The following CDAN1 variants were observed in gnomAD, a reference collection of about 807,000 sequenced individuals.
The protein encoded by CDAN1 is codanin-1.
In CDAN1, 107 loss-of-function variants were observed where a neutral mutation model predicts 139.8. That is an observed-to-expected ratio of 0.77 (90% confidence interval 0.65 to 0.90). CDAN1 has a LOEUF of 0.90. CDAN1 is among the 40% of genes least tolerant of loss of function. The pLI, the probability that CDAN1 is intolerant of heterozygous loss-of-function variation, is 0.00. For missense variants in CDAN1, 1,667 were observed against 1,575.7 expected (o/e 1.06, Z -0.98); for synonymous variants, 776 against 660.6 (o/e 1.17, Z -2.68).
In CDAN1 at chr15:42,726,411, G is replaced by C; in HGVS notation, c.3103C>G (p.Leu1035Val). The change falls in exon 24 of 28, where the codon CTC becomes GTC. Residue 1035 changes from leucine to valine, a missense_variant. By Grantham distance (32) the Leu-to-Val change is conservative. Transcript: ENST00000356231. Reference protein sequence around the residue: ...SHLISEIKDVLSLAVGPRDPD... With the variant: ...SHLISEIKDVVSLAVGPRDPD... ...TCCCGTGGCCCCACGGCCAAGGAGA[G>C]CACGTCCTGTGAAGAGCAGGGGGAG... The C allele has an allele frequency of 6.3e-7, 1 of 1,591,952 alleles. No homozygotes were observed. The highest frequency in any genetic ancestry group is 8.6e-7 in the Non-Finnish European group (1 of 1,169,136).
chr15:42,735,840 G>T, intron 3 of CDAN1, 35 bp downstream of exon 3: 3 of 1,611,750 alleles, frequency 1.9e-6, no homozygotes, highest in Non-Finnish European at 2.5e-6. Flanking sequence ...CCCACAGCGA[G>T]GAAACCGATA....
Position 42,737,073 on chromosome 15 carries a change from T to G in CDAN1, c.30A>C (p.Arg10=). 2.0e-6 allele frequency: 3 copies of G among 1,503,660 alleles called. No homozygotes were observed. Among genetic ancestry groups the G allele is most frequent in the East Asian group, 2.7e-5 (1 of 36,606 alleles). The allele number at this position is 1,503,660 out of a possible 1,614,324, so 93.1% of individuals were successfully genotyped here. Residue 10 remains arginine, a synonymous_variant, in exon 1 of 28, where the codon CGA becomes CGC. Coordinates refer to ENST00000356231, the MANE Select transcript of CDAN1 (RefSeq NM_138477.4). The part of the protein sequence containing the change: MAAVLESLL[R]EEVSVAAVVR... ...CGACGGCTGCGACCGACACCTCTTC[T>G]CGCAGCAGCGACTCCAAAACGGCCG...
At chr15:42,732,779 G>A (rs886318954) in intron 9 of CDAN1, among the ~76,000 whole-genome samples, 6 of 151,314 alleles carry the variant, frequency 4.0e-5, no homozygotes, top group Non-Finnish European at 8.8e-5. Context: ...GGATGGAGAA[G>A]ATGGAGGCTG....
In CDAN1 at chr15:42,732,369, G is replaced by T. The variant is rs1301354150; in HGVS notation, c.1497C>A (p.Ser499Arg). ...MGQLSAACSHSHFVRLFQKQL... is the reference protein window; with the variant it reads ...MGQLSAACSHRHFVRLFQKQL... ...GTTTTTGGAAAAGCCGAACAAAGTG[G>T]CTGTGGCTGCAGGCTGCGGAGAGCT... The change falls in exon 10 of 28, where the codon AGC becomes AGA. Residue 499 changes from serine to arginine, a missense_variant. Coordinates refer to ENST00000356231, the MANE Select transcript of CDAN1 (RefSeq NM_138477.4). 6.2e-7 allele frequency: 1 copy of T among 1,614,154 alleles called. No individual in the cohort carries two copies. The highest frequency in any genetic ancestry group is 2.2e-5 in the East Asian group (1 of 44,890).
chr15:42,734,481 G>T (rs2095716931), intron 6 of CDAN1, 135 bp from the exon 7 acceptor site: 2 of 1,072,392 alleles, frequency 1.9e-6, no homozygotes, highest in Non-Finnish European at 2.8e-6. Context: ...AAGGTCATGG[G>T]CCAAGGATCA....
In CDAN1 at chr15:42,728,282, A is replaced by G. The variant is rs747164189; in HGVS notation, c.2805-15T>C. 22 of 1,613,588 alleles carry G rather than the reference A, an allele frequency of 1.4e-5. No individual in the cohort carries two copies. The highest frequency in any genetic ancestry group is 1.8e-5 in the Non-Finnish European group (21 of 1,179,694). ...TTTGACAGAACCTAAAAGGGGACAG[A>G]TGGGGTCAGTGATCTCTGGGTATTT... On this transcript the variant is annotated splice_polypyrimidine_tract_variant and intron_variant, in intron 20 of 27. Coordinates refer to ENST00000356231, the MANE Select transcript of CDAN1 (RefSeq NM_138477.4).
rs1272682455 is a variant in CDAN1, at chr15:42,724,265, T to C, written c.*226A>G. On this transcript the variant is annotated 3_prime_UTR_variant, in exon 28 of 28. Transcript: ENST00000356231. ...AACACCACCTCTTCTACTCCAGGAC[T>C]GGCATCTCTGGACTTTTCTGCCATA... The C allele has an allele frequency of 1.8e-6, 1 of 558,874 alleles. No homozygotes were observed. The highest frequency in any genetic ancestry group is 3.2e-6 in the Non-Finnish European group (1 of 309,542). 34.6% of individuals were successfully genotyped at this position (558,874 alleles called of 1,614,324 possible).
chr15:42,733,627 C>T (rs1406460002), intron 8 of CDAN1, among the ~76,000 whole-genome samples: 2 of 152,200 alleles, frequency 1.3e-5, no homozygotes, highest in African/African-American at 4.8e-5. Context: ...GACAGTAGTG[C>T]TACAGACCAG....
rs1178846012 is a variant in CDAN1, at chr15:42,734,283, G to C, written c.1200C>G (p.Cys400Trp). Residue 400 changes from cysteine to tryptophan, a missense_variant, in exon 7 of 28, where the codon TGC becomes TGG. By Grantham distance (215) the Cys-to-Trp change is radical (BLOSUM62 -2). Transcript: ENST00000356231. ...KLLAENERLL[C>W]FSPALQGRLR... ...GGCGGCCTTGCAGAGCTGGTGAGAA[G>C]CACAGCAGCCGCTCATTCTCAGCCA... 5 of 1,613,932 alleles carry C rather than the reference G, an allele frequency of 3.1e-6. No homozygotes were observed. The highest frequency in any genetic ancestry group is 4.2e-6 in the Non-Finnish European group (5 of 1,180,018).
chr15:42,730,252 A>C (rs748371125), intron 14 of CDAN1, 37 bp from the exon 15 acceptor site: 2 of 1,584,074 alleles, frequency 1.3e-6, no homozygotes, highest in South Asian at 1.1e-5. Flanking sequence ...GTTTGAGCAG[A>C]AAGGGGAAGG....
chr15:42,736,112 C>T, intron 2 of CDAN1, 34 bp from the exon 3 acceptor site: 1 of 1,610,360 alleles, frequency 6.2e-7, no homozygotes, highest in South Asian at 1.1e-5. Context: ...TTCTCAAATT[C>T]CTATCTTCAA....
intron 27 of CDAN1, 153 bp downstream of exon 27, chr15:42,724,991 T>C (rs2061503397): frequency 4.1e-6 from 3 of 726,658 alleles, no homozygotes; most frequent in East Asian, 2.7e-5. Context: ...GTCCCTCATA[T>C]AATAACTACT....
At chr15:42,725,703 T>C in intron 25 of CDAN1, 33 bp from the exon 26 acceptor site, 2 of 1,611,716 alleles carry the variant, frequency 1.2e-6, no homozygotes, top group Non-Finnish European at 1.7e-6. Flanking sequence ...CTTTAAAAGA[T>C]GGGGGCAGGC....
rs914676441 is a variant in CDAN1 at position 42,726,005 on chromosome 15, C to T, written c.3268+92G>A. ...AAAAAAAAAAAAAAAAAAAAAGGGACAGAAGAGGGCTCTGTTTCTAATCTT... is the reference window on the plus strand; with the variant it reads ...AAAAAAAAAAAAAAAAAAAAAGGGATAGAAGAGGGCTCTGTTTCTAATCTT... On this transcript the variant is annotated intron_variant, in intron 25 of 27. Transcript: ENST00000356231. 49 of 725,474 alleles carry T rather than the reference C, an allele frequency of 6.8e-5. 1 individual carries two copies. In the Admixed American group the frequency reaches 1.0e-3, roughly 15 times the overall value. The allele number at this position is 725,474 out of a possible 1,614,324, so 44.9% of individuals were successfully genotyped here. A position where few individuals can be genotyped will look rare whatever the true frequency, so the allele number is the denominator to read the frequency against.
Position 42,729,559 on chromosome 15 carries a change from G to A in CDAN1, c.2407+9C>T, listed in dbSNP as rs200677055. The A allele has an allele frequency of 8.8e-5, 142 of 1,614,114 alleles. No individual in the cohort carries two copies. The highest frequency in any genetic ancestry group is 5.0e-4 in the Middle Eastern group (3 of 6,060). On this transcript the variant is annotated intron_variant, in intron 17 of 27. Transcript: ENST00000356231. Reference sequence around the variant, plus strand: ...GACCAAGGACCGTCCAGGGAAGACCGGTGCTCACCGATGTAGGGGCAGCAG... The same window carrying A: ...GACCAAGGACCGTCCAGGGAAGACCAGTGCTCACCGATGTAGGGGCAGCAG...
intron 26 of CDAN1, 44 bp from the exon 27 acceptor site, chr15:42,725,295 G>T: frequency 1.3e-6 from 2 of 1,575,470 alleles, no homozygotes; most frequent in Non-Finnish European, 1.7e-6. Flanking sequence ...GGACGACAGA[G>T]TGACCCTGAT....
chr15:42,737,060 C>T lies in CDAN1; in HGVS notation c.43G>A (p.Val15Ile). 3 of 1,544,512 alleles carry T rather than the reference C, an allele frequency of 1.9e-6. No homozygotes were observed. Among genetic ancestry groups the T allele is most frequent in the Non-Finnish European group, 2.6e-6 (3 of 1,144,474 alleles). Residue 15 changes from valine (V) to isoleucine (I), a missense_variant, in exon 1 of 28, where the codon GTC becomes ATC. Coordinates refer to ENST00000356231, the MANE Select transcript of CDAN1 (RefSeq NM_138477.4). ...GCGATCCACCGCACGACGGCTGCGA[C>T]CGACACCTCTTCTCGCAGCAGCGAC... Reference protein sequence around the residue: ...LESLLREEVSVAAVVRWIARS... With the variant: ...LESLLREEVSIAAVVRWIARS...
Position 42,731,002 on chromosome 15 carries a change from C to A in CDAN1, c.1930G>T (p.Ala644Ser). Residue 644 changes from alanine to serine, a missense_variant, in exon 13 of 28, where the codon GCT (alanine) becomes TCT (serine). Coordinates refer to ENST00000356231, the MANE Select transcript of CDAN1 (RefSeq NM_138477.4). ...TCAGGCCCCCGGTATGGCAGGAAAG[C>A]CACAAAGCCCAGGAATTTAGCCAAA... is the stretch of plus-strand genomic sequence containing the variant. ...RLLAKFLGFVAFLPYRGPEPP... is the reference protein window; with the variant it reads ...RLLAKFLGFVSFLPYRGPEPP... 6.2e-7 allele frequency: 1 copy of A among 1,614,186 alleles called. No homozygotes were observed. The highest frequency in any genetic ancestry group is 8.5e-7 in the Non-Finnish European group (1 of 1,180,026).
At chr15:42,730,786 CAG>C (rs773782374) in intron 13 of CDAN1, 22 bp from the exon 14 acceptor site, 31 of 1,612,560 alleles carry the variant, frequency 1.9e-5, no homozygotes, top group South Asian at 1.1e-4. Flanking sequence ...AGAGCTCAGT[CAG>C]GGGGCAGGTC....
Sources: gnomAD v4.1 joint callset for allele counts (sites outside exome capture counted in the v4.1 genomes callset) on GRCh38, gnomAD v4.1.1 for gene constraint, MANE v1.5 for transcripts, NCBI Gene and HGNC (gene_info 2026-07-23, HGNC 2026-07-21) for gene names.